PAX8: variants seen among roughly 807,000 people sequenced by gnomAD.
The protein encoded by PAX8 is paired box protein Pax-8.
A neutral mutation model predicts 52.4 loss-of-function variants in PAX8; 15 were observed. The ratio of observed to expected loss-of-function variants is 0.29; its 90% confidence interval spans 0.19 to 0.44. The LOEUF (loss-of-function observed/expected upper bound fraction) is 0.44, where lower values mean the gene tolerates loss of function less well. Among genes scored for constraint, PAX8 ranks in the 20% least tolerant of loss-of-function variants. PAX8 has a pLI of 1.00. For synonymous variants in PAX8, 284 were observed against 249.7 expected (o/e 1.14, Z -1.29); for missense variants, 554 against 602.5 (o/e 0.92, Z 0.84).
chr2:113,267,510 C>T (rs1005764508), intron 2 of PAX8: 1 of 152,256 alleles, frequency 6.6e-6, no homozygotes, highest in East Asian at 1.9e-4. Flanking sequence ...TGGTATTCCT[C>T]TACTCAGACC....
chr2:113,261,887 C>T lies in PAX8; in HGVS notation c.26-14968G>A, dbSNP rs955018575. Among the ~76,000 whole-genome samples, 6 of 151,500 alleles carry T rather than the reference C, an allele frequency of 4.0e-5. No homozygotes were observed. In the East Asian group the frequency reaches 5.8e-4, roughly 15 times the overall value. The stretch of plus-strand genomic sequence containing the variant: ...AGGCTGGAGTGAAGTGGTGCGATCT[C>T]GGCTCACTGAAACCCTGCAACCTCC... On this transcript the variant is annotated intron_variant, in intron 2 of 11. Transcript: ENST00000429538.
chr2:113,230,993 GAAATATTGGTAAATATTCT>G (rs531796637), intron 9 of PAX8, among the ~76,000 whole-genome samples: 1 of 152,328 alleles, frequency 6.6e-6, no homozygotes, highest in African/African-American at 2.4e-5. Context: ...CCTACACCTT[GAAATATTGGTAAATATTCT>G]AAATATTGGT....
intron 10 of PAX8, among the ~76,000 whole-genome samples, chr2:113,224,839 TATAAA>T (rs56177103): frequency 0.18 from 25,172 of 143,308 alleles, 4,078 homozygotes; most frequent in African/African-American, 0.43. Context: ...TAAAATAAAA[TATAAA>T]ATAAAATAAA....
At chr2:113,241,400 GC>G in intron 7 of PAX8, 150 bp downstream of exon 7, 2 of 765,892 alleles carry the variant, frequency 2.6e-6, no homozygotes, top group Non-Finnish European at 4.5e-6. Flanking sequence ...GTAAAATAAA[GC>G]ATGTGTCAGG....
intron 4 of PAX8, among the ~76,000 whole-genome samples, chr2:113,244,147 T>A (rs1374159313): frequency 1.3e-5 from 2 of 152,210 alleles, no homozygotes; most frequent in Non-Finnish European, 2.9e-5. Flanking sequence ...ATGAAGATTC[T>A]TTTATTGAAT....
intron 2 of PAX8, chr2:113,269,698 G>C (rs548474312): frequency 6.6e-6 from 1 of 152,372 alleles, no homozygotes; most frequent in South Asian, 2.1e-4. Flanking sequence ...GGCAGGTGGG[G>C]AGGGAGGGAG....
At chr2:113,261,300 TC>T (rs1013423110) in intron 2 of PAX8, among the ~76,000 whole-genome samples, 2 of 152,130 alleles carry the variant, frequency 1.3e-5, no homozygotes, top group Non-Finnish European at 2.9e-5. Flanking sequence ...AAGCAGATGA[TC>T]CTTCCAGTCC....
chr2:113,258,961 G>T (rs914336255), intron 2 of PAX8, among the ~76,000 whole-genome samples: 1 of 152,086 alleles, frequency 6.6e-6, no homozygotes, highest in Non-Finnish European at 1.5e-5. Context: ...TTGACATGAG[G>T]CCCTGCCTTT....
At chr2:113,226,895 C>T in intron 10 of PAX8, 3 of 1,375,520 alleles carry the variant, frequency 2.2e-6, no homozygotes, top group Non-Finnish European at 2.9e-6. Flanking sequence ...CTGTCTCAGC[C>T]CCTCCCTTTT....
At chr2:113,269,101 G>A (rs981448773) in intron 2 of PAX8, 1 of 152,272 alleles carries the variant, frequency 6.6e-6, no homozygotes, top group Non-Finnish European at 1.5e-5. Flanking sequence ...GCCTACAGAG[G>A]GGAAAGTTTG....
At chr2:113,260,744 G>A (rs539254038) in intron 2 of PAX8, among the ~76,000 whole-genome samples, 3 of 152,276 alleles carry the variant, frequency 2.0e-5, no homozygotes, top group South Asian at 4.1e-4. Context: ...TTTGAAGGCC[G>A]AGATTCTTTG....
rs1689073255 is a variant in PAX8, at chr2:113,217,668, G to A, written c.*865C>T. On this transcript the variant is annotated 3_prime_UTR_variant, in exon 12 of 12. Transcript: ENST00000429538. ...GCAGGAAGCACATTTGGCTTGGCAG[G>A]AGCTGTCAGGAAGGGGAAGCGGGTT... is the stretch of plus-strand genomic sequence containing the variant. 8.6e-6 allele frequency: 2 copies of A among 232,064 alleles called. No homozygotes were observed. The highest frequency in any genetic ancestry group is 1.1e-4 in the Admixed American group (2 of 17,732). 14.4% of individuals were successfully genotyped at this position (232,064 alleles called of 1,614,324 possible). A position where few individuals can be genotyped will look rare whatever the true frequency, so the allele number is the denominator to read the frequency against.
chr2:113,220,464 C>T, intron 10 of PAX8: 1 of 317,260 alleles, frequency 3.2e-6, no homozygotes, highest in East Asian at 5.8e-5. Context: ...GTTATAACTA[C>T]CCCCATTTTC....
In PAX8 at chr2:113,216,711, A is replaced by C. The variant is rs1689039505; in HGVS notation, c.*1822T>G. Reference sequence around the variant, plus strand: ...GTCAAATCTTTAGCAAATCAAAAGAAATTAAATCCCCAGTGGCAGCTCCAG... The same window carrying C: ...GTCAAATCTTTAGCAAATCAAAAGACATTAAATCCCCAGTGGCAGCTCCAG... On this transcript the variant is annotated 3_prime_UTR_variant, in exon 12 of 12. Transcript: ENST00000429538. 4.4e-6 allele frequency: 1 copy of C among 226,948 alleles called. No homozygotes were observed. Among genetic ancestry groups the C allele is most frequent in the Non-Finnish European group, 8.8e-6 (1 of 114,156 alleles). 14.1% of individuals were successfully genotyped at this position (226,948 alleles called of 1,614,324 possible). A position where few individuals can be genotyped will look rare whatever the true frequency, so the allele number is the denominator to read the frequency against.
intron 2 of PAX8, among the ~76,000 whole-genome samples, chr2:113,249,967 C>T (rs963580926): frequency 6.6e-6 from 1 of 152,022 alleles, no homozygotes; most frequent in African/African-American, 2.4e-5. Flanking sequence ...TGACTTAAAC[C>T]CCTATAAGAA....
rs200737496 is a variant in PAX8, at chr2:113,241,624, G to T, written c.704C>A (p.Pro235Gln). ...CTGCCGCTCAAATGGGCACTCGAGCGGCTCGAGGTGGTGCTGGCTGAAGGC... is the reference window on the plus strand; with the variant it reads ...CTGCCGCTCAAATGGGCACTCGAGCTGCTCGAGGTGGTGCTGGCTGAAGGC... ...TDAFSQHHLEPLECPFERQHY... is the reference protein window; with the variant it reads ...TDAFSQHHLEQLECPFERQHY... Residue 235 changes from proline (P) to glutamine (Q), a missense_variant, in exon 7 of 12, where the codon CCG (proline) becomes CAG (glutamine). By Grantham distance (76) the Pro-to-Gln change is moderately conservative (BLOSUM62 -1). This residue lies in a region of PAX8 where 445 missense variants were observed against 409.9 expected (regional missense o/e 1.09). Coordinates refer to ENST00000429538, the MANE Select transcript of PAX8 (RefSeq NM_003466.4). The T allele has an allele frequency of 4.3e-6, 7 of 1,613,672 alleles. No individual in the cohort carries two copies. The African/African-American group carries it at 8.0e-5, about 18-fold the overall frequency.
intron 2 of PAX8, chr2:113,275,113 T>G (rs577051707): frequency 6.6e-6 from 1 of 152,346 alleles, no homozygotes; most frequent in African/African-American, 2.4e-5. Flanking sequence ...ATAAAATTAA[T>G]TAACTTTCCT....
chr2:113,245,463 C>A (rs1691237027), intron 3 of PAX8, among the ~76,000 whole-genome samples: 2 of 152,154 alleles, frequency 1.3e-5, no homozygotes, highest in Admixed American at 6.5e-5. Flanking sequence ...GCATATCCCT[C>A]ACCCCCCTGG....
At chr2:113,236,451 G>A (rs549307304) in intron 8 of PAX8, 150 bp downstream of exon 8, 2 of 715,418 alleles carry the variant, frequency 2.8e-6, no homozygotes, top group African/African-American at 1.8e-5. Context: ...GCCTAGGACC[G>A]GAGGCGCGAC....
Sources: gnomAD v4.1 joint callset for allele counts (sites outside exome capture counted in the v4.1 genomes callset) on GRCh38, gnomAD v4.1.1 for gene constraint, gnomAD v4.1.1 regional missense constraint, MANE v1.5 for transcripts, NCBI Gene and HGNC (gene_info 2026-07-23, HGNC 2026-07-21) for gene names.